The following ITGBL1 variants were observed in gnomAD, a reference collection of about 807,000 sequenced individuals.
ITGBL1 encodes the protein integrin beta-like protein 1.
Under a neutral mutation model 68.5 loss-of-function variants are expected in ITGBL1, and 51 were observed. The ratio of observed to expected loss-of-function variants is 0.74; its 90% CI spans 0.59 to 0.94. The LOEUF (loss-of-function observed/expected upper bound fraction) is 0.94. Among genes scored for constraint, ITGBL1 ranks in the 40% least tolerant of loss-of-function variants. ITGBL1 has a pLI of 0.00. For synonymous variants in ITGBL1, 209 were observed against 227.3 expected (o/e 0.92, Z 0.72); for missense variants, 649 against 647.4 (o/e 1.00, Z -0.03).
intron 7 of ITGBL1, among the ~76,000 whole-genome samples, chr13:101,641,944 T>C (rs1281611537): frequency 1.3e-5 from 2 of 152,134 alleles, no homozygotes; most frequent in Non-Finnish European, 2.9e-5. Context: ...TGCCACATTT[T>C]CTTAATCCAG....
chr13:101,539,007 C>T lies in ITGBL1; in HGVS notation c.317-28692C>T, dbSNP rs559956070. Among the ~76,000 whole-genome samples, 15 of 144,194 alleles carry T rather than the reference C, an allele frequency of 1.0e-4. No homozygotes were observed. In the South Asian group the frequency reaches 2.6e-3, roughly 25 times the overall value. The allele number at this position is 144,194 out of a possible 152,430, so 94.6% of individuals were successfully genotyped here. A position where few individuals can be genotyped will look rare whatever the true frequency, so the allele number is the denominator to read the frequency against. The stretch of plus-strand genomic sequence containing the variant: ...TAGTGGAGCTTTACCATCAGTGGTA[C>T]GGTTGCGGAGTGTGTGACTTTGAGA... On this transcript the variant is annotated intron_variant, in intron 2 of 10. Coordinates refer to ENST00000376180, the MANE Select transcript of ITGBL1 (RefSeq NM_004791.3).
chr13:101,651,885 G>A (rs775055878), intron 7 of ITGBL1, among the ~76,000 whole-genome samples: 28 of 151,984 alleles, frequency 1.8e-4, no homozygotes, highest in South Asian at 6.2e-4. Context: ...CATTTTCTGC[G>A]TATGGCTAGC....
intron 7 of ITGBL1, among the ~76,000 whole-genome samples, chr13:101,687,760 T>C (rs1400120205): frequency 1.3e-5 from 2 of 152,144 alleles, no homozygotes; most frequent in African/African-American, 4.8e-5. Context: ...AGATAAGTTT[T>C]GGTTGGATGA....
intron 7 of ITGBL1, among the ~76,000 whole-genome samples, chr13:101,634,970 G>GTA (rs1213070964): frequency 6.7e-6 from 1 of 149,968 alleles, no homozygotes; most frequent in Non-Finnish European, 1.5e-5. Flanking sequence ...GTGTGTGTGT[G>GTA]TATTTCTAGT....
chr13:101,511,071 C>G (rs967693696), intron 2 of ITGBL1, among the ~76,000 whole-genome samples: 2 of 151,912 alleles, frequency 1.3e-5, no homozygotes. Context: ...AAATCCTTTA[C>G]CAAGCTTGAT....
intron 3 of ITGBL1, among the ~76,000 whole-genome samples, chr13:101,570,660 T>C (rs2050257547): frequency 6.6e-6 from 1 of 152,150 alleles, no homozygotes; most frequent in Admixed American, 6.6e-5. Flanking sequence ...GGGAGGCTTT[T>C]ATAGGGTGAA....
intron 9 of ITGBL1, among the ~76,000 whole-genome samples, chr13:101,707,894 A>G (rs2034297992): frequency 6.6e-6 from 1 of 151,868 alleles, no homozygotes; most frequent in African/African-American, 2.4e-5. Flanking sequence ...AACAAAGAAA[A>G]CAAAAGCCTG....
At chr13:101,566,820 A>C (rs2050189957) in intron 2 of ITGBL1, among the ~76,000 whole-genome samples, 1 of 152,210 alleles carries the variant, frequency 6.6e-6, no homozygotes, top group Admixed American at 6.6e-5. Context: ...GCCAGTTAAC[A>C]GTCAAGGAAG....
intron 7 of ITGBL1, among the ~76,000 whole-genome samples, chr13:101,652,181 G>A (rs9557718): frequency 0.11 from 16,862 of 152,006 alleles, 1,014 homozygotes; most frequent in South Asian, 0.27. Context: ...AAGTCATGTC[G>A]CCCAGGCTAG....
chr13:101,567,753 A>G lies in ITGBL1; in HGVS notation c.371A>G (p.Asp124Gly). 2 of 1,613,440 alleles carry G rather than the reference A, an allele frequency of 1.2e-6. No homozygotes were observed. Among genetic ancestry groups the G allele is most frequent in the Non-Finnish European group, 1.7e-6 (2 of 1,179,532 alleles). ...AAGTGTGACCAGGGATGGTATGGGG[A>G]TGCTTGCCAGTACCCAACTAACTGT... ...KCKCDQGWYG[D>G]ACQYPTNCDL... is the part of the protein sequence containing the mutation. Residue 124 changes from aspartate to glycine, a missense_variant, in exon 3 of 11, where the codon GAT becomes GGT. Physicochemically the swap from Asp to Gly is moderately conservative, Grantham distance 94. Transcript: ENST00000376180.
intron 2 of ITGBL1, among the ~76,000 whole-genome samples, chr13:101,489,156 C>T (rs1217890359): frequency 6.6e-6 from 1 of 152,160 alleles, no homozygotes; most frequent in African/African-American, 2.4e-5. Flanking sequence ...TGTTACAAGA[C>T]AGCTTTCATC....
At chr13:101,702,833 C>G (rs2034166238) in intron 8 of ITGBL1, among the ~76,000 whole-genome samples, 1 of 152,144 alleles carries the variant, frequency 6.6e-6, no homozygotes, top group South Asian at 2.1e-4. Flanking sequence ...TTAAGGACAT[C>G]TGGACTTTAA....
intron 7 of ITGBL1, among the ~76,000 whole-genome samples, chr13:101,618,553 G>C (rs537364780): frequency 2.0e-5 from 3 of 152,190 alleles, no homozygotes; most frequent in African/African-American, 7.2e-5. Context: ...AAAAGGACAG[G>C]GGTACAGATG....
At chr13:101,472,457 A>G (rs1250157226) in intron 2 of ITGBL1, among the ~76,000 whole-genome samples, 1 of 152,206 alleles carries the variant, frequency 6.6e-6, no homozygotes, top group Non-Finnish European at 1.5e-5. Flanking sequence ...TATGTAGGAT[A>G]ATATGCTTAG....
chr13:101,575,843 G>C (rs1360344581), intron 4 of ITGBL1, among the ~76,000 whole-genome samples: 3 of 152,046 alleles, frequency 2.0e-5, no homozygotes, highest in Non-Finnish European at 4.4e-5. Flanking sequence ...GCTCACCTTA[G>C]TCACTTTTAT....
chr13:101,584,741 C>T (rs2050522165), intron 6 of ITGBL1, among the ~76,000 whole-genome samples: 1 of 151,852 alleles, frequency 6.6e-6, no homozygotes, highest in Non-Finnish European at 1.5e-5. Flanking sequence ...GCTGTCAACA[C>T]AGTGGTAATA....
At chr13:101,507,576 A>G (rs1403784504) in intron 2 of ITGBL1, among the ~76,000 whole-genome samples, 1 of 152,160 alleles carries the variant, frequency 6.6e-6, no homozygotes, top group Non-Finnish European at 1.5e-5. Flanking sequence ...ATGTTAGGAA[A>G]CTTAATTCTT....
chr13:101,460,119 T>C (rs2048298264), intron 2 of ITGBL1, among the ~76,000 whole-genome samples: 3 of 152,148 alleles, frequency 2.0e-5, no homozygotes, highest in Admixed American at 1.3e-4. Flanking sequence ...TTCTCTCCCT[T>C]CCTTCAATCC....
At chr13:101,507,114 C>T (rs1256533857) in intron 2 of ITGBL1, among the ~76,000 whole-genome samples, 2 of 152,144 alleles carry the variant, frequency 1.3e-5, no homozygotes, top group African/African-American at 2.4e-5. Context: ...GTAAAGTCTT[C>T]CCACATAATA....
Sources: gnomAD v4.1 joint callset for allele counts (sites outside exome capture counted in the v4.1 genomes callset) on GRCh38, gnomAD v4.1.1 for gene constraint, MANE v1.5 for transcripts, NCBI Gene and HGNC (gene_info 2026-07-23, HGNC 2026-07-21) for gene names.